The following TNS1 variants were observed in gnomAD, a reference collection of about 807,000 sequenced individuals.
The protein encoded by TNS1 is tensin 1.
Under a neutral mutation model 168.6 loss-of-function variants are expected in TNS1, and 62 were observed. The observed-to-expected ratio is 0.37, with a 90% confidence interval of 0.30 to 0.45. The LOEUF is 0.45. TNS1 is among the 20% of genes least tolerant of loss of function. The probability of loss-of-function intolerance (pLI) is 1.00; values close to 1 mark genes in which losing one functional copy is unlikely to be tolerated. For synonymous variants in TNS1, 934 were observed against 933.2 expected, an observed-to-expected ratio of 1.00 and a Z score of -0.02; for missense variants, 2,240 against 2,339.4, an observed-to-expected ratio of 0.96 and a Z score of 0.88.
chr2:217,809,378 T>G, intron 30 of TNS1, among the ~76,000 whole-genome samples: 1 of 98,072 alleles, frequency 1.0e-5, no homozygotes, highest in Non-Finnish European at 2.2e-5. Flanking sequence ...GATGGATGCA[T>G]GGATGGATGG....
rs968759376 is a variant in TNS1 at position 217,821,667 on chromosome 2, G to C, written c.3572+73C>G. ...TCCACGCCATAGGCAACAGATCCAG[G>C]AGGCCTCACCCATCCCGTCCCAGTC... On this transcript the variant is annotated intron_variant, in intron 23 of 32. Coordinates refer to ENST00000682258, the MANE Select transcript of TNS1 (RefSeq NM_001387777.1). The C allele has an allele frequency of 2.2e-6, 3 of 1,353,966 alleles. No homozygotes were observed. The African/African-American group carries it at 4.5e-5, about 21-fold the overall frequency. 83.9% of individuals were successfully genotyped at this position (1,353,966 alleles called of 1,614,324 possible). A position where few individuals can be genotyped will look rare whatever the true frequency, so the allele number is the denominator to read the frequency against.
chr2:217,886,375 A>G (rs112986069), intron 13 of TNS1, among the ~76,000 whole-genome samples, 159 bp downstream of exon 13: 2 of 152,358 alleles, frequency 1.3e-5, no homozygotes, highest in African/African-American at 4.8e-5. Flanking sequence ...TGGTGCTTAG[A>G]AAAGTTTAGG....
chr2:217,837,448 C>A (rs957663329), intron 19 of TNS1, among the ~76,000 whole-genome samples: 34 of 152,232 alleles, frequency 2.2e-4, no homozygotes, highest in Non-Finnish European at 4.1e-4. Flanking sequence ...GCCAAGCCTA[C>A]GGGCAGACAC....
At chr2:217,854,439 A>T (rs1366326959) in intron 18 of TNS1, among the ~76,000 whole-genome samples, 3 of 152,196 alleles carry the variant, frequency 2.0e-5, no homozygotes, top group Non-Finnish European at 4.4e-5. Context: ...CTTCATGATA[A>T]AAAGTCCTTT....
intron 3 of TNS1, among the ~76,000 whole-genome samples, chr2:217,977,385 T>A (rs1957921929): frequency 6.6e-6 from 1 of 152,190 alleles, no homozygotes; most frequent in Non-Finnish European, 1.5e-5. Context: ...GCCCTCTGCA[T>A]CTCTGCAAGG....
At position 217,848,433 on chromosome 2, in the gene TNS1, G is replaced by T; in HGVS notation, c.2084C>A (p.Ala695Asp). The change falls in exon 19 of 33, where the codon GCC becomes GAC. Residue 695 changes from alanine to aspartate, a missense_variant. Transcript: ENST00000682258. ...CATGGGGGCCGTGTGGCCAGCATGG[G>T]CAGGCCCCGCCCGGCTGGCAGACTC... ...PYESASRAGP[A>D]HAGHTAPMRP... 1 of 1,609,354 alleles carries T rather than the reference G, an allele frequency of 6.2e-7. No homozygotes were observed. Among genetic ancestry groups the T allele is most frequent in the Admixed American group, 1.7e-5 (1 of 59,714 alleles).
rs998657845 is a variant in TNS1 at position 217,818,076 on chromosome 2, G to T, written c.4256C>A (p.Pro1419His). The T allele has an allele frequency of 6.8e-6, 11 of 1,612,458 alleles. No homozygotes were observed. The highest frequency in any genetic ancestry group is 1.3e-5 in the African/African-American group (1 of 75,042). The change falls in exon 24 of 33, where the codon CCC becomes CAC. Residue 1419 changes from proline to histidine, a missense_variant. Coordinates refer to ENST00000682258, the MANE Select transcript of TNS1 (RefSeq NM_001387777.1). ...ATAGGCCACATGCCGGTCCAAGCAG[G>T]GGCTGCCGGGAACCACAGATCCAGA... ...GGSGSVVPGS[P>H]CLDRHVAYGG... is the part of the protein sequence containing the mutation.
intron 3 of TNS1, among the ~76,000 whole-genome samples, chr2:217,920,955 G>A (rs1056534089): frequency 5.1e-4 from 77 of 151,770 alleles, no homozygotes; most frequent in African/African-American, 1.5e-3. Context: ...TCCAGACAGA[G>A]GGAAGAAGGG....
chr2:217,816,997 C>A (rs763889670), intron 24 of TNS1, among the ~76,000 whole-genome samples: 1 of 152,056 alleles, frequency 6.6e-6, no homozygotes, highest in African/African-American at 2.4e-5. Context: ...CAAGTTCTGG[C>A]GATAAGTGAA....
At chr2:217,857,329 C>T (rs1158742932) in intron 18 of TNS1, among the ~76,000 whole-genome samples, 1 of 152,130 alleles carries the variant, frequency 6.6e-6, no homozygotes, top group Non-Finnish European at 1.5e-5. Flanking sequence ...GCTCAGCAGG[C>T]TCAGGACCAC....
At chr2:217,889,953 T>C (rs1340439668) in intron 12 of TNS1, among the ~76,000 whole-genome samples, 1 of 152,196 alleles carries the variant, frequency 6.6e-6, no homozygotes, top group Non-Finnish European at 1.5e-5. Context: ...GCATGAGATG[T>C]CTTTGAGCAA....
chr2:217,990,942 CT>C lies in TNS1; in HGVS notation c.147del (p.Val50SerfsTer38). The C allele has an allele frequency of 1.5e-6, 1 of 666,152 alleles. No homozygotes were observed. The highest frequency in any genetic ancestry group is 2.8e-6 in the Non-Finnish European group (1 of 361,054). The allele number at this position is 666,152 out of a possible 1,614,324, so 41.3% of individuals were successfully genotyped here. On this transcript the variant is annotated frameshift_variant and splice_region_variant, in exon 2 of 33. Transcript: ENST00000682258. LOFTEE classifies it high-confidence loss of function. Reference sequence around the variant, plus strand: ...CCCCACAGCCCAGACCGCTGCTCACCTTTGCAGGTGCAGCCTTCCTGGGTGA... The same window carrying C: ...CCCCACAGCCCAGACCGCTGCTCACCTTGCAGGTGCAGCCTTCCTGGGTGA... ...QVITQEGCTC[K>X]VCSFSCHRKC...
At chr2:217,926,564 T>C (rs1477873972) in intron 3 of TNS1, among the ~76,000 whole-genome samples, 1 of 152,180 alleles carries the variant, frequency 6.6e-6, no homozygotes, top group Non-Finnish European at 1.5e-5. Flanking sequence ...TTTACATACC[T>C]TATTTTTTGC....
chr2:217,831,391 T>C (rs1944396378), intron 22 of TNS1, 64 bp downstream of exon 22: 2 of 1,416,026 alleles, frequency 1.4e-6, no homozygotes, highest in Admixed American at 2.3e-5. Flanking sequence ...CGGGTTTCTG[T>C]CCAGAACCAC....
At chr2:217,834,893 G>A in intron 21 of TNS1, among the ~76,000 whole-genome samples, 198 bp downstream of exon 21, 1 of 152,226 alleles carries the variant, frequency 6.6e-6, no homozygotes, top group Non-Finnish European at 1.5e-5. Flanking sequence ...CCTTAGATGT[G>A]TGAGTGTGGA....
At chr2:217,906,281 T>TCC in intron 6 of TNS1, 54 bp downstream of exon 6, 2 of 590,790 alleles carry the variant, frequency 3.4e-6, no homozygotes, top group Admixed American at 4.6e-5. Flanking sequence ...CCCACCCCAT[T>TCC]CCCCCTGGCC....
At chr2:217,946,727 C>T (rs569063232) in intron 3 of TNS1, among the ~76,000 whole-genome samples, 9 of 152,074 alleles carry the variant, frequency 5.9e-5, no homozygotes, top group South Asian at 2.1e-4. Flanking sequence ...CTATCCATCC[C>T]CTACCCCATC....
At chr2:217,857,315 T>C (rs944763609) in intron 18 of TNS1, among the ~76,000 whole-genome samples, 3 of 152,020 alleles carry the variant, frequency 2.0e-5, no homozygotes, top group African/African-American at 7.3e-5. Context: ...AGGCTGACAA[T>C]GAAGCTCAGC....
chr2:217,886,210 G>T, intron 13 of TNS1, 106 bp from the exon 14 acceptor site: 1 of 1,237,902 alleles, frequency 8.1e-7, no homozygotes, highest in Non-Finnish European at 1.2e-6. Flanking sequence ...AGAAATGGGG[G>T]AAGACGGGGT....
Sources: gnomAD v4.1 joint callset for allele counts (sites outside exome capture counted in the v4.1 genomes callset) on GRCh38, gnomAD v4.1.1 for gene constraint, MANE v1.5 for transcripts, NCBI Gene and HGNC (gene_info 2026-07-23, HGNC 2026-07-21) for gene names.